The following ABCG2 variants were observed in gnomAD, a reference collection of about 807,000 sequenced individuals.
ABCG2 encodes the protein broad substrate specificity ATP-binding cassette transporter ABCG2.
ABCG2 carries 80 observed loss-of-function variants against 73.5 expected under a neutral mutation model. The observed-to-expected ratio is 1.09, with a 90% CI of 0.91 to 1.31. ABCG2 has a LOEUF of 1.31. Ranked by LOEUF, ABCG2 falls within the 50% of genes most tolerant of loss-of-function variation. The pLI is 0.00. For synonymous variants in ABCG2, 269 were observed against 282.4 expected (o/e 0.95, Z 0.48); for missense variants, 796 against 786.2 (o/e 1.01, Z -0.15).
Position 88,107,119 on chromosome 4 carries a change from T to C in ABCG2, c.1277+65A>G. On this transcript the variant is annotated intron_variant, in intron 10 of 15. Transcript: ENST00000237612. The stretch of plus-strand genomic sequence containing the variant: ...ACTTGTCTTAAATTCAAATTCTTAA[T>C]GGATTTCAATAAGCTTGAAGAAAGT... 3 of 1,210,462 alleles carry C rather than the reference T, an allele frequency of 2.5e-6. No homozygotes were observed. In the South Asian group the frequency reaches 4.0e-5, roughly 16 times the overall value. The allele number at this position is 1,210,462 out of a possible 1,614,324, so 75.0% of individuals were successfully genotyped here. A position where few individuals can be genotyped will look rare whatever the true frequency, so the allele number is the denominator to read the frequency against.
chr4:88,095,418 A>G, intron 14 of ABCG2, 102 bp downstream of exon 14: 1 of 1,058,208 alleles, frequency 9.4e-7, no homozygotes, highest in Non-Finnish European at 1.4e-6. Context: ...TCTGGATGGG[A>G]GACTTTCACA....
chr4:88,225,244 G>A (rs147678040), intron 1 of ABCG2, among the ~76,000 whole-genome samples: 14 of 152,242 alleles, frequency 9.2e-5, no homozygotes, highest in South Asian at 2.1e-4. Flanking sequence ...CTACTCTGCC[G>A]TTATAGCACT....
At position 88,097,563 on chromosome 4, in the gene ABCG2, G is replaced by C. The variant is rs544499758; in HGVS notation, c.1537C>G (p.Leu513Val). 14 of 1,614,172 alleles carry C rather than the reference G, an allele frequency of 8.7e-6. No individual in the cohort carries two copies. The East Asian group carries it at 2.9e-4, about 33-fold the overall frequency. Reference protein sequence around the residue: ...ADAFFVMMFTLMMVAYSASSM... With the variant: ...ADAFFVMMFTVMMVAYSASSM... ...CTGGCTGAATAAGCCACCATCATAA[G>C]GGTAAACATCATAACGAAGAAGGCA... The change falls in exon 13 of 16, where the codon CTT (leucine) becomes GTT (valine). Residue 513 changes from leucine to valine, a missense_variant. Physicochemically the swap from Leu to Val is conservative, Grantham distance 32. Coordinates refer to ENST00000237612, the MANE Select transcript of ABCG2 (RefSeq NM_004827.3).
chr4:88,143,805 A>G (rs1477029447), intron 1 of ABCG2, among the ~76,000 whole-genome samples: 1 of 142,004 alleles, frequency 7.0e-6, no homozygotes, highest in Non-Finnish European at 1.5e-5. Context: ...AAAGGAAAAA[A>G]AACAAACTTT....
intron 1 of ABCG2, among the ~76,000 whole-genome samples, chr4:88,178,469 C>A (rs992490555): frequency 6.6e-6 from 1 of 152,130 alleles, no homozygotes; most frequent in Non-Finnish European, 1.5e-5. Flanking sequence ...CTGGCTTAAG[C>A]TGTGACTCAG....
At chr4:88,101,544 G>C (rs1309568882) in intron 10 of ABCG2, among the ~76,000 whole-genome samples, 1 of 152,086 alleles carries the variant, frequency 6.6e-6, no homozygotes, top group East Asian at 1.9e-4. Flanking sequence ...TTGGATTGTT[G>C]TGGAATGAAT....
Position 88,097,047 on chromosome 4 carries a change from TA to T in ABCG2, c.1647+405del, listed in dbSNP as rs4148163. Among the ~76,000 whole-genome samples the T allele has an allele frequency of 3.8e-4, 57 of 149,622 alleles. 1 individual carries two copies. The highest frequency in any genetic ancestry group is 1.2e-3 in the East Asian group (6 of 5,132). On this transcript the variant is annotated intron_variant, in intron 13 of 15. Transcript: ENST00000237612. ...ACTTTAAAACATAAATTAAAAATGT[TA>T]AAAAAAAAATAAACTAGCAGTTCTC...
chr4:88,229,632 T>C (rs1012047324), intron 1 of ABCG2, among the ~76,000 whole-genome samples: 5 of 152,208 alleles, frequency 3.3e-5, no homozygotes, highest in African/African-American at 7.2e-5. Context: ...TTTGTGAAGC[T>C]GTGTCTCCTG....
chr4:88,182,566 A>C (rs1211111346), intron 1 of ABCG2, among the ~76,000 whole-genome samples: 1 of 152,322 alleles, frequency 6.6e-6, no homozygotes, highest in East Asian at 1.9e-4. Context: ...TCTGACCACA[A>C]TGGAATAAAA....
chr4:88,182,208 G>A (rs1728281312), intron 1 of ABCG2, among the ~76,000 whole-genome samples: 1 of 152,032 alleles, frequency 6.6e-6, no homozygotes, highest in African/African-American at 2.4e-5. Context: ...TATAACAATT[G>A]TAAACATGTA....
intron 1 of ABCG2, among the ~76,000 whole-genome samples, chr4:88,199,672 A>G (rs1560752385): frequency 6.6e-6 from 1 of 152,210 alleles, no homozygotes; most frequent in African/African-American, 2.4e-5. Flanking sequence ...TTGTCAGTAC[A>G]TTTGTCTTGC....
intron 9 of ABCG2, among the ~76,000 whole-genome samples, chr4:88,112,500 A>G (rs1333984319): frequency 6.6e-6 from 1 of 151,984 alleles, no homozygotes; most frequent in Non-Finnish European, 1.5e-5. Flanking sequence ...TTCTTCTACC[A>G]TCTAACATGC....
intron 6 of ABCG2, 105 bp downstream of exon 6, chr4:88,121,530 A>G: frequency 9.3e-7 from 1 of 1,069,580 alleles, no homozygotes; most frequent in Non-Finnish European, 1.3e-6. Flanking sequence ...CCAACAGAAG[A>G]GGAAGAAATT....
In ABCG2 at chr4:88,209,322, A is replaced by C. The variant is rs928510741; in HGVS notation, c.-20+21672T>G. Among the ~76,000 whole-genome samples the C allele has an allele frequency of 5.3e-5, 8 of 151,620 alleles. No homozygotes were observed. The East Asian group carries it at 5.8e-4, about 11-fold the overall frequency. ...GAGACTCCATCTCAAAAAAAAAAAAAAAAACAAAAAAGCAAACAAGAAACA... is the reference window on the plus strand; with the variant it reads ...GAGACTCCATCTCAAAAAAAAAAAACAAAACAAAAAAGCAAACAAGAAACA... On this transcript the variant is annotated intron_variant, in intron 1 of 15. Coordinates refer to the ABCG2 transcript ENST00000515655.
At chr4:88,193,076 T>A (rs1728762999) in intron 1 of ABCG2, among the ~76,000 whole-genome samples, 1 of 152,128 alleles carries the variant, frequency 6.6e-6, no homozygotes, top group African/African-American at 2.4e-5. Context: ...TAAAAATATA[T>A]AATTATTTAT....
rs2231142 is a variant in ABCG2, at chr4:88,131,171, G to C, written c.421C>G (p.Gln141Glu). ...GCAAGCCGAAGAGCTGCTGAGAACT[G>C]TAAGTTTTCTCTCACCGTCAGAGTG... ...MGTLTVRENL[Q>E]FSAALRLATT... The change falls in exon 5 of 16, where the codon CAG becomes GAG. Residue 141 changes from glutamine (Q) to glutamate (E), a missense_variant. Transcript: ENST00000237612. The C allele has an allele frequency of 6.2e-7, 1 of 1,613,746 alleles. No homozygotes were observed. Among genetic ancestry groups the C allele is most frequent in the African/African-American group, 1.3e-5 (1 of 74,890 alleles).
intron 13 of ABCG2, 59 bp from the exon 14 acceptor site, chr4:88,095,668 G>A (rs1721937196): frequency 7.4e-6 from 10 of 1,349,788 alleles, no homozygotes; most frequent in Non-Finnish European, 1.1e-5. Context: ...CAGAATTCTA[G>A]AGAATACCCT....
At chr4:88,205,776 G>A (rs111280149) in intron 1 of ABCG2, among the ~76,000 whole-genome samples, 21,820 of 152,084 alleles carry the variant, frequency 0.14, 1,804 homozygotes, top group Non-Finnish European at 0.19. Context: ...TCTGCCTCCC[G>A]GGCTCAAGCA....
chr4:88,198,885 G>A (rs1359122325), intron 1 of ABCG2, among the ~76,000 whole-genome samples: 1 of 152,000 alleles, frequency 6.6e-6, no homozygotes, highest in African/African-American at 2.4e-5. Flanking sequence ...TTCAAGAACT[G>A]TGGGGCAATT....
Sources: allele counts gnomAD v4.1 joint callset (sites outside exome capture counted in the v4.1 genomes callset), GRCh38; gene constraint gnomAD v4.1.1; transcripts MANE v1.5; gene names NCBI Gene and HGNC (gene_info 2026-07-23, HGNC 2026-07-21).